CTNNA3: variants seen among roughly 807,000 people sequenced by gnomAD.
CTNNA3 encodes catenin alpha 3, also known as catenin alpha-3.
Under a neutral mutation model 95.7 loss-of-function variants are expected in CTNNA3, and 76 were observed. That is an observed-to-expected ratio of 0.79 (90% confidence interval 0.66 to 0.96). The LOEUF is 0.96. Ranked by LOEUF, CTNNA3 falls within the 40% of genes least tolerant of loss-of-function variation. The pLI, the probability that CTNNA3 is intolerant of heterozygous loss-of-function variation, is 0.00. For missense variants in CTNNA3, 1,191 were observed against 1,089.8 expected (o/e 1.09, Z -1.31); for synonymous variants, 431 against 374.4 (o/e 1.15, Z -1.74).
At chr10:66,926,771 A>T (rs1847101096) in intron 7 of CTNNA3, 3 of 950,364 alleles carry the variant, frequency 3.2e-6, no homozygotes, top group Non-Finnish European at 4.6e-6. Flanking sequence ...ACTAAAGACA[A>T]TTCTCTTTAA....
At position 66,501,574 on chromosome 10, in the gene CTNNA3, C is replaced by T. The variant is rs1840277424; in HGVS notation, c.1531+19043G>A. Among the ~76,000 whole-genome samples the T allele has an allele frequency of 2.6e-5, 4 of 152,146 alleles. No homozygotes were observed. In the South Asian group the frequency reaches 8.3e-4, roughly 31 times the overall value. ...ACAATAAATGATTAACTTGTCAACA[C>T]GAAAGTGTTCACTGGGCACTTGGCT... On this transcript the variant is annotated intron_variant, in intron 11 of 17. Transcript: ENST00000433211.
At chr10:66,175,017 C>T (rs1177584677) in intron 13 of CTNNA3, among the ~76,000 whole-genome samples, 1 of 152,096 alleles carries the variant, frequency 6.6e-6, no homozygotes, top group African/African-American at 2.4e-5. Context: ...GTCATTGCCT[C>T]AGATATTGAG....
chr10:67,485,173 T>C (rs1329415575), intron 5 of CTNNA3, among the ~76,000 whole-genome samples: 2 of 152,184 alleles, frequency 1.3e-5, no homozygotes, highest in Non-Finnish European at 2.9e-5. Context: ...TGCAGCAACA[T>C]GGATGCAGCT....
At chr10:66,694,473 A>G (rs4313465) in intron 9 of CTNNA3, among the ~76,000 whole-genome samples, 27,096 of 151,990 alleles carry the variant, frequency 0.18, 3,059 homozygotes, top group East Asian at 0.34. Context: ...ATAATCAATA[A>G]CTTACCAACC....
At chr10:66,306,238 T>C (rs1278521432) in intron 12 of CTNNA3, among the ~76,000 whole-genome samples, 3 of 152,232 alleles carry the variant, frequency 2.0e-5, no homozygotes, top group Non-Finnish European at 4.4e-5. Flanking sequence ...GATTTTGTGT[T>C]CTGTAGTTTG....
intron 5 of CTNNA3, among the ~76,000 whole-genome samples, chr10:67,490,719 C>A (rs1247491474): frequency 1.3e-5 from 2 of 152,012 alleles, no homozygotes; most frequent in Non-Finnish European, 2.9e-5. Context: ...GAAAAAGAGT[C>A]CTGGTAGATC....
chr10:65,954,427 C>T (rs1413104146), intron 17 of CTNNA3, among the ~76,000 whole-genome samples: 4 of 152,120 alleles, frequency 2.6e-5, no homozygotes, highest in Non-Finnish European at 2.9e-5. Flanking sequence ...TTTGTTGCCA[C>T]TGCTTTTGTT....
At chr10:67,152,979 CTT>C (rs893393901) in intron 7 of CTNNA3, among the ~76,000 whole-genome samples, 2 of 146,566 alleles carry the variant, frequency 1.4e-5, no homozygotes, top group South Asian at 2.2e-4. Context: ...GCCCAGCAAT[CTT>C]TTTTTTTTTT....
chr10:67,011,421 T>C (rs1024546891), intron 7 of CTNNA3, among the ~76,000 whole-genome samples: 1 of 111,902 alleles, frequency 8.9e-6, no homozygotes, highest in Non-Finnish European at 2.1e-5. Flanking sequence ...GAATACACAA[T>C]TGCTAGTGAA....
intron 12 of CTNNA3, among the ~76,000 whole-genome samples, chr10:66,369,898 A>G (rs1355416638): frequency 1.3e-5 from 2 of 152,210 alleles, no homozygotes; most frequent in Non-Finnish European, 2.9e-5. Context: ...AATTATACCC[A>G]TTGTAACCAC....
At chr10:67,277,833 G>C (rs1228507333) in intron 5 of CTNNA3, among the ~76,000 whole-genome samples, 1 of 152,164 alleles carries the variant, frequency 6.6e-6, no homozygotes, top group Non-Finnish European at 1.5e-5. Flanking sequence ...AAGTTACACT[G>C]TCTGGTTTAA....
At chr10:66,101,757 G>T (rs901858057) in intron 14 of CTNNA3, among the ~76,000 whole-genome samples, 1 of 151,988 alleles carries the variant, frequency 6.6e-6, no homozygotes, top group Non-Finnish European at 1.5e-5. Flanking sequence ...TTTTAAAAAG[G>T]CAATCAAAAA....
chr10:66,341,201 A>G (rs764676184), intron 12 of CTNNA3, among the ~76,000 whole-genome samples: 1 of 151,964 alleles, frequency 6.6e-6, no homozygotes, highest in Non-Finnish European at 1.5e-5. Context: ...AAGAAACCAT[A>G]AACATGTTAG....
At chr10:67,637,329 A>G (rs1278299887) in intron 2 of CTNNA3, among the ~76,000 whole-genome samples, 2 of 152,220 alleles carry the variant, frequency 1.3e-5, no homozygotes. Context: ...GAATAAAAAG[A>G]AATGAACAAA....
At chr10:66,070,433 C>T (rs748988867) in intron 14 of CTNNA3, among the ~76,000 whole-genome samples, 1 of 152,160 alleles carries the variant, frequency 6.6e-6, no homozygotes, top group Non-Finnish European at 1.5e-5. Context: ...TTATCATTCT[C>T]TCCATTCTCA....
intron 2 of CTNNA3, among the ~76,000 whole-genome samples, chr10:67,644,065 G>A (rs1240033105): frequency 6.6e-6 from 1 of 152,042 alleles, no homozygotes; most frequent in African/African-American, 2.4e-5. Context: ...AAGATGGCTG[G>A]GTCAAATGGT....
intron 7 of CTNNA3, among the ~76,000 whole-genome samples, chr10:67,004,700 T>G (rs974403909): frequency 2.0e-5 from 3 of 152,212 alleles, no homozygotes; most frequent in Non-Finnish European, 4.4e-5. Flanking sequence ...TTCAAAAGAC[T>G]AGTATACTCA....
intron 7 of CTNNA3, among the ~76,000 whole-genome samples, chr10:66,906,651 G>A (rs2132544647): frequency 6.6e-6 from 1 of 152,246 alleles, no homozygotes; most frequent in Non-Finnish European, 1.5e-5. Flanking sequence ...CAGTGTGTGT[G>A]TGTGTTTGTG....
intron 9 of CTNNA3, among the ~76,000 whole-genome samples, chr10:66,654,151 T>C (rs770519653): frequency 6.6e-6 from 1 of 151,932 alleles, no homozygotes; most frequent in Non-Finnish European, 1.5e-5. Flanking sequence ...AAGGAAATAA[T>C]TAACAGAGTG....
Sources: allele counts gnomAD v4.1 joint callset (sites outside exome capture counted in the v4.1 genomes callset), GRCh38; gene constraint gnomAD v4.1.1; transcripts MANE v1.5; gene names NCBI Gene and HGNC (gene_info 2026-07-23, HGNC 2026-07-21).